SRPK1: variants seen among roughly 807,000 people sequenced by gnomAD.
SRPK1 encodes the protein SFRS protein kinase 1.
Under a neutral mutation model 89.5 loss-of-function variants are expected in SRPK1, and 52 were observed. That is an observed-to-expected ratio of 0.58 (90% CI 0.46 to 0.73). SRPK1 has a LOEUF of 0.73. Among genes scored for constraint, SRPK1 ranks in the 30% least tolerant of loss-of-function variants. The pLI, the probability that SRPK1 is intolerant of heterozygous loss-of-function variation, is 0.00. For synonymous variants in SRPK1, 255 were observed against 270.2 expected (o/e 0.94, Z 0.55); for missense variants, 603 against 780.6 (o/e 0.77, Z 2.71).
chr6:35,878,347 C>T (rs981775350), intron 6 of SRPK1, among the ~76,000 whole-genome samples: 27 of 152,078 alleles, frequency 1.8e-4, no homozygotes, highest in Non-Finnish European at 2.9e-4. Context: ...AAGTAAGAAT[C>T]GTAAACTAGA....
intron 12 of SRPK1, 56 bp downstream of exon 12, chr6:35,868,954 A>G: frequency 7.1e-7 from 1 of 1,414,800 alleles, no homozygotes. Context: ...CTAAGTCCAA[A>G]TTCTCATTCA....
intron 2 of SRPK1, among the ~76,000 whole-genome samples, chr6:35,916,599 G>A (rs1220415862): frequency 1.3e-5 from 2 of 151,906 alleles, no homozygotes; most frequent in Non-Finnish European, 2.9e-5. Flanking sequence ...CCACAAATCA[G>A]TGTTAGAGCT....
chr6:35,870,683 T>A (rs1313987241), intron 9 of SRPK1, among the ~76,000 whole-genome samples, 189 bp from the exon 10 acceptor site: 1 of 152,144 alleles, frequency 6.6e-6, no homozygotes, highest in Non-Finnish European at 1.5e-5. Flanking sequence ...ACAGAATAAA[T>A]AACAAAGTGT....
intron 6 of SRPK1, among the ~76,000 whole-genome samples, chr6:35,882,407 C>A (rs1770316325): frequency 6.6e-6 from 1 of 152,070 alleles, no homozygotes; most frequent in African/African-American, 2.4e-5. Flanking sequence ...GCCTCAAACT[C>A]CCAGGCTCGA....
At chr6:35,886,953 G>C in intron 5 of SRPK1, 142 bp from the exon 6 acceptor site, 1 of 585,562 alleles carries the variant, frequency 1.7e-6, no homozygotes, top group Admixed American at 3.1e-5. Context: ...AATTTCAATA[G>C]CTTTAATGGA....
At chr6:35,842,798 G>T (rs1051666265) in intron 13 of SRPK1, among the ~76,000 whole-genome samples, 194 bp from the exon 14 acceptor site, 3 of 150,900 alleles carry the variant, frequency 2.0e-5, no homozygotes, top group Non-Finnish European at 4.4e-5. Flanking sequence ...TTAATAAAAT[G>T]GAGAAAACAG....
intron 13 of SRPK1, among the ~76,000 whole-genome samples, chr6:35,856,363 C>T (rs542007131): frequency 5.9e-5 from 9 of 151,824 alleles, no homozygotes; most frequent in Non-Finnish European, 8.8e-5. Flanking sequence ...CTATAGCAAG[C>T]TTAGCACTTT....
chr6:35,893,837 C>G (rs1328166332), intron 2 of SRPK1, among the ~76,000 whole-genome samples: 3,159 of 152,038 alleles, frequency 0.021, 120 homozygotes, highest in African/African-American at 0.072. Context: ...ATGGTGAAAC[C>G]CCGTCTCTAC....
chr6:35,874,809 A>G (rs1001798832), intron 6 of SRPK1, among the ~76,000 whole-genome samples: 2 of 152,234 alleles, frequency 1.3e-5, no homozygotes, highest in African/African-American at 4.8e-5. Context: ...GAAAGACTTA[A>G]ACCTCAAAAA....
At chr6:35,882,382 T>G (rs1364023468) in intron 6 of SRPK1, among the ~76,000 whole-genome samples, 2 of 152,104 alleles carry the variant, frequency 1.3e-5, no homozygotes, top group East Asian at 3.8e-4. Flanking sequence ...AGTGGCACTA[T>G]CATAGCTCAC....
intron 12 of SRPK1, among the ~76,000 whole-genome samples, chr6:35,858,776 A>G (rs1022751749): frequency 3.3e-5 from 5 of 152,190 alleles, no homozygotes; most frequent in Non-Finnish European, 7.3e-5. Context: ...AACAGGGGAC[A>G]TATATATAGA....
At chr6:35,857,599 CACAGGTCTAG>C (rs1769691385) in intron 12 of SRPK1, among the ~76,000 whole-genome samples, 3 of 152,166 alleles carry the variant, frequency 2.0e-5, no homozygotes, top group Admixed American at 1.3e-4. Flanking sequence ...ACTTAATATA[CACAGGTCTAG>C]GAAACAACAA....
chr6:35,884,441 G>A (rs374266830), intron 6 of SRPK1, among the ~76,000 whole-genome samples: 310 of 152,328 alleles, frequency 2.0e-3, no homozygotes, highest in African/African-American at 7.2e-3. Flanking sequence ...ACACACGAAT[G>A]TGGATGTACT....
intron 6 of SRPK1, among the ~76,000 whole-genome samples, chr6:35,880,746 A>AAAAAAAAAAAAAAAAAAAAAGAAAG (rs1770263877): frequency 3.4e-5 from 3 of 89,202 alleles, no homozygotes; most frequent in African/African-American, 4.5e-5. Context: ...AAAAAAAAAA[A>AAAAAAAAAAAAAAAAAAAAAGAAAG]AAAAGAAAAG....
At chr6:35,871,381 A>G (rs1359363773) in intron 8 of SRPK1, among the ~76,000 whole-genome samples, 1 of 152,260 alleles carries the variant, frequency 6.6e-6, no homozygotes, top group African/African-American at 2.4e-5. Flanking sequence ...ATAACAGTGT[A>G]GCTTAGCTGG....
chr6:35,882,895 G>C (rs1032602261), intron 6 of SRPK1, among the ~76,000 whole-genome samples: 1 of 151,806 alleles, frequency 6.6e-6, no homozygotes, highest in Non-Finnish European at 1.5e-5. Flanking sequence ...TGCAACCTCC[G>C]CCTCCCAGGT....
chr6:35,865,435 T>G (rs1180143771), intron 12 of SRPK1, among the ~76,000 whole-genome samples: 5 of 151,980 alleles, frequency 3.3e-5, no homozygotes, highest in Non-Finnish European at 7.4e-5. Flanking sequence ...TTCACAGAAT[T>G]ACAAAAAACA....
chr6:35,851,481 G>C (rs1259957065), intron 13 of SRPK1, among the ~76,000 whole-genome samples: 1 of 152,030 alleles, frequency 6.6e-6, no homozygotes, highest in Non-Finnish European at 1.5e-5. Context: ...GCCGGTATTG[G>C]ATATATTCTG....
chr6:35,865,012 T>A (rs1029276919), intron 12 of SRPK1, among the ~76,000 whole-genome samples: 10 of 151,412 alleles, frequency 6.6e-5, no homozygotes, highest in African/African-American at 2.2e-4. Context: ...ACACAGAGAG[T>A]AGAAGGATGG....
Sources: allele counts gnomAD v4.1 joint callset (sites outside exome capture counted in the v4.1 genomes callset), GRCh38; gene constraint gnomAD v4.1.1; transcripts MANE v1.5; gene names NCBI Gene and HGNC (gene_info 2026-07-23, HGNC 2026-07-21).